The following STXBP5L variants were observed in gnomAD, a reference collection of about 807,000 sequenced individuals.
The protein encoded by STXBP5L is syntaxin-binding protein 5-like.
A neutral mutation model predicts 144.5 loss-of-function variants in STXBP5L; 65 were observed. The ratio of observed to expected loss-of-function variants is 0.45; its 90% CI spans 0.37 to 0.55. The LOEUF (loss-of-function observed/expected upper bound fraction) is 0.55, where lower values mean the gene tolerates loss of function less well. Ranked by LOEUF, STXBP5L falls within the 20% of genes least tolerant of loss-of-function variation. STXBP5L has a pLI of 0.00. For missense variants in STXBP5L, 1,298 were observed against 1,405.5 expected (o/e 0.92, Z 1.22); for synonymous variants, 505 against 469.6 (o/e 1.08, Z -0.97).
intron 22 of STXBP5L, among the ~76,000 whole-genome samples, chr3:121,405,680 G>A (rs1987098): frequency 0.77 from 116,811 of 152,074 alleles, 44,891 homozygotes; most frequent in East Asian, 0.89. Context: ...AGCTGCTTAT[G>A]ATTTAGATTT....
intron 18 of STXBP5L, among the ~76,000 whole-genome samples, chr3:121,276,500 G>T (rs561102862): frequency 7.1e-4 from 108 of 151,628 alleles, no homozygotes; most frequent in African/African-American, 2.6e-3. Context: ...ATTTTTTTCT[G>T]TCTAAGATTT....
intron 5 of STXBP5L, among the ~76,000 whole-genome samples, chr3:121,087,594 C>G (rs529794946): frequency 6.6e-6 from 1 of 151,872 alleles, no homozygotes; most frequent in Non-Finnish European, 1.5e-5. Context: ...TATAGACAAG[C>G]GTATAGTTGG....
chr3:121,000,721 G>A (rs1381010653), intron 3 of STXBP5L, among the ~76,000 whole-genome samples: 1 of 152,216 alleles, frequency 6.6e-6, no homozygotes, highest in Non-Finnish European at 1.5e-5. Context: ...GTCTTGCACT[G>A]ATTCTCATCT....
At chr3:121,391,960 A>T (rs1174293459) in intron 22 of STXBP5L, among the ~76,000 whole-genome samples, 1 of 152,194 alleles carries the variant, frequency 6.6e-6, no homozygotes, top group Non-Finnish European at 1.5e-5. Context: ...GGGACGTTTA[A>T]GTCTGCAGAA....
At chr3:121,208,344 GA>G (rs1299686311) in intron 10 of STXBP5L, among the ~76,000 whole-genome samples, 2 of 126,644 alleles carry the variant, frequency 1.6e-5, no homozygotes, top group Admixed American at 1.7e-4. Flanking sequence ...GGGGTGGGGG[GA>G]GGGGGGAAGG....
At chr3:121,021,974 CA>C (rs1165731557) in intron 3 of STXBP5L, among the ~76,000 whole-genome samples, 1 of 151,888 alleles carries the variant, frequency 6.6e-6, no homozygotes, top group Non-Finnish European at 1.5e-5. Context: ...ACAAATTAAA[CA>C]AAAACTGGTA....
chr3:121,019,249 A>T (rs1945370698), intron 3 of STXBP5L, among the ~76,000 whole-genome samples: 1 of 152,160 alleles, frequency 6.6e-6, no homozygotes, highest in Non-Finnish European at 1.5e-5. Context: ...GAGCTCAGAC[A>T]TGCCTAGCCC....
In STXBP5L at chr3:121,108,824, C is replaced by G. The variant is rs139698993; in HGVS notation, c.471-6101C>G. On this transcript the variant is annotated intron_variant, in intron 5 of 26. Coordinates refer to ENST00000471454, the MANE Select transcript of STXBP5L (RefSeq NM_001308330.2). The stretch of plus-strand genomic sequence containing the variant: ...GCTTTGTACCTCTGGTAGAATTCAG[C>G]TATAAATCAGTCTGGTCCTGGGCTT... Among the ~76,000 whole-genome samples the G allele has an allele frequency of 2.9e-4, 44 of 152,242 alleles. 1 individual carries two copies. In the East Asian group the frequency reaches 5.0e-3, roughly 17 times the overall value.
intron 20 of STXBP5L, chr3:121,357,774 C>T (rs1040805761): frequency 2.6e-5 from 4 of 152,064 alleles, no homozygotes; most frequent in African/African-American, 9.7e-5. Flanking sequence ...TCTTAGTCTC[C>T]AAACTAGATA....
chr3:121,419,062 C>G lies in STXBP5L; in HGVS notation c.3454C>G (p.Leu1152Val). 6.2e-7 allele frequency: 1 copy of G among 1,610,452 alleles called. No homozygotes were observed. The highest frequency in any genetic ancestry group is 8.5e-7 in the Non-Finnish European group (1 of 1,178,582). ...AFSKHAHELM[L>V]KYKDKKWYQF is the part of the protein sequence containing the mutation. ...GGCTATTTTTTCTTTGCAGTTAATG[C>G]TGAAATACAAGGATAAGAAATGGTA... Residue 1152 changes from leucine (L) to valine (V), a missense_variant, in exon 27 of 27, where the codon CTG (leucine) becomes GTG (valine). Transcript: ENST00000471454.
chr3:121,056,228 A>C (rs537630720), intron 5 of STXBP5L, among the ~76,000 whole-genome samples: 1 of 152,288 alleles, frequency 6.6e-6, no homozygotes, highest in African/African-American at 2.4e-5. Flanking sequence ...GTAATGAATA[A>C]AATAAAACAT....
chr3:121,166,508 A>T (rs769729732), intron 9 of STXBP5L, among the ~76,000 whole-genome samples: 4 of 152,180 alleles, frequency 2.6e-5, no homozygotes, highest in South Asian at 4.1e-4. Flanking sequence ...TTACATATTC[A>T]TAATTTGCAA....
intron 20 of STXBP5L, among the ~76,000 whole-genome samples, chr3:121,362,091 G>T (rs1393335383): frequency 1.3e-5 from 2 of 152,196 alleles, no homozygotes; most frequent in African/African-American, 4.8e-5. Context: ...AATTATCTGG[G>T]TTACATGACA....
intron 9 of STXBP5L, among the ~76,000 whole-genome samples, chr3:121,202,656 C>G (rs920094283): frequency 6.6e-6 from 1 of 152,010 alleles, no homozygotes; most frequent in Non-Finnish European, 1.5e-5. Flanking sequence ...TTTTGAAAGA[C>G]AGTTTTGCTC....
At chr3:121,053,022 T>A (rs1167171957) in intron 5 of STXBP5L, among the ~76,000 whole-genome samples, 3 of 152,118 alleles carry the variant, frequency 2.0e-5, no homozygotes, top group East Asian at 3.9e-4. Context: ...TAAAATACCT[T>A]GGAATCCACC....
At chr3:120,964,601 T>G (rs999097902) in intron 3 of STXBP5L, among the ~76,000 whole-genome samples, 2 of 152,222 alleles carry the variant, frequency 1.3e-5, no homozygotes, top group Non-Finnish European at 2.9e-5. Flanking sequence ...TTCTTAATCC[T>G]GAGTTCTAAT....
intron 19 of STXBP5L, among the ~76,000 whole-genome samples, chr3:121,282,921 A>G (rs2051108346): frequency 6.6e-6 from 1 of 152,038 alleles, no homozygotes; most frequent in African/African-American, 2.4e-5. Flanking sequence ...AATAAATAAT[A>G]TCAACCTTTA....
At chr3:121,155,993 CAAG>C (rs1201316949) in intron 8 of STXBP5L, among the ~76,000 whole-genome samples, 2 of 151,632 alleles carry the variant, frequency 1.3e-5, no homozygotes, top group African/African-American at 4.8e-5. Context: ...GTAGGGGAGG[CAAG>C]AAGATGTGAC....
chr3:121,327,104 C>T (rs541414067), intron 20 of STXBP5L, among the ~76,000 whole-genome samples: 34 of 152,240 alleles, frequency 2.2e-4, no homozygotes, highest in Admixed American at 3.9e-4. Context: ...GCCAATACAA[C>T]ATCCTTATGA....
Sources: gnomAD v4.1 joint callset for allele counts (sites outside exome capture counted in the v4.1 genomes callset) on GRCh38, gnomAD v4.1.1 for gene constraint, MANE v1.5 for transcripts, NCBI Gene and HGNC (gene_info 2026-07-23, HGNC 2026-07-21) for gene names.